TEX26: variants seen among roughly 807,000 people sequenced by gnomAD.
TEX26 encodes testis-expressed protein 26.
A neutral mutation model predicts 35.3 loss-of-function variants in TEX26; 34 were observed. The ratio of observed to expected loss-of-function variants is 0.96; its 90% CI spans 0.73 to 1.28. TEX26 has a LOEUF of 1.28. TEX26 is among the 50% of genes most tolerant of loss of function. TEX26 has a pLI of 0.00. For missense variants in TEX26, 371 were observed against 330.1 expected (o/e 1.12, Z -0.96); for synonymous variants, 136 against 111.8 (o/e 1.22, Z -1.36).
At chr13:30,948,659 G>A (rs989476898) in intron 2 of TEX26, among the ~76,000 whole-genome samples, 1 of 152,050 alleles carries the variant, frequency 6.6e-6, no homozygotes, top group Non-Finnish European at 1.5e-5. Context: ...CAGATGAGTA[G>A]GTTGCTAAAA....
At chr13:30,966,430 CTCTTT>C (rs1954534321) in intron 5 of TEX26, 32 bp downstream of exon 5, 11 of 1,111,018 alleles carry the variant, frequency 9.9e-6, no homozygotes, top group East Asian at 3.0e-5. Flanking sequence ...TTTTCTTTTT[CTCTTT>C]TTTTTTTTTT....
Position 30,968,901 on chromosome 13 carries a change from C to T in TEX26, c.663C>T (p.His221=). ...ASQGLVPSVL[H]SYLRNQEHTK... ...TTTCTATAGTGCCTTCTGTGCTGCA[C>T]AGCTACCTGAGGAACCAAGAGCACA... is the stretch of plus-strand genomic sequence containing the variant. The change falls in exon 6 of 7, where the codon CAC becomes CAT. Residue 221 remains histidine (H), a synonymous_variant. Transcript: ENST00000380473. 6.2e-7 allele frequency: 1 copy of T among 1,613,860 alleles called. No individual in the cohort carries two copies. The highest frequency in any genetic ancestry group is 1.1e-5 in the South Asian group (1 of 90,988).
intron 2 of TEX26, among the ~76,000 whole-genome samples, chr13:30,945,325 G>T (rs1953666155): frequency 6.6e-6 from 1 of 151,330 alleles, no homozygotes; most frequent in African/African-American, 2.4e-5. Context: ...TTTTCCTTGG[G>T]TTTATATGAA....
At chr13:30,967,696 T>C (rs1017945562) in intron 5 of TEX26, among the ~76,000 whole-genome samples, 3 of 152,176 alleles carry the variant, frequency 2.0e-5, no homozygotes, top group African/African-American at 7.2e-5. Context: ...GTTCTTAAGG[T>C]TTAAAAGGAT....
At chr13:30,965,278 C>A (rs1292541669) in intron 4 of TEX26, among the ~76,000 whole-genome samples, 1 of 152,148 alleles carries the variant, frequency 6.6e-6, no homozygotes, top group African/African-American at 2.4e-5. Context: ...CCAGTAGATG[C>A]AATTATGTAT....
chr13:30,963,703 A>G (rs992846564), intron 4 of TEX26, among the ~76,000 whole-genome samples: 5 of 152,242 alleles, frequency 3.3e-5, no homozygotes, highest in South Asian at 2.1e-4. Context: ...CTGAGGATCA[A>G]TGAAGAGTGA....
At chr13:30,964,004 T>C (rs1321720562) in intron 4 of TEX26, among the ~76,000 whole-genome samples, 1 of 152,170 alleles carries the variant, frequency 6.6e-6, no homozygotes, top group East Asian at 1.9e-4. Flanking sequence ...CTGCCCTGCA[T>C]GCCCCACCCT....
At position 30,949,796 on chromosome 13, in the gene TEX26, C is replaced by T. The variant is rs531855300; in HGVS notation, c.147-2864C>T. 2.6e-5 allele frequency among the ~76,000 whole-genome samples: 4 copies of T among 152,054 alleles called. No homozygotes were observed. In the East Asian group the frequency reaches 5.8e-4, roughly 22 times the overall value. ...CTTTCCTTTTGGGAATGATTAAATACCAATCACGTATAAAAACAGAAACAA... is the reference window on the plus strand; with the variant it reads ...CTTTCCTTTTGGGAATGATTAAATATCAATCACGTATAAAAACAGAAACAA... On this transcript the variant is annotated intron_variant, in intron 2 of 6. Transcript: ENST00000380473.
Position 30,956,919 on chromosome 13 carries a change from TA to T in TEX26, c.362del (p.Lys121ArgfsTer12), listed in dbSNP as rs1359831751. ...CCTCACTGTCAACAAACGGGGACAC[TA>T]AAGAACTGCCTCCCTTGGAAAATCC... ...TLPHCQQTGT[L>X]KNCLPWKIPA... On this transcript the variant is annotated frameshift_variant, in exon 4 of 7. Coordinates refer to ENST00000380473, the MANE Select transcript of TEX26 (RefSeq NM_152325.3). LOFTEE classifies it high-confidence loss of function. 6.2e-7 allele frequency: 1 copy of T among 1,614,154 alleles called. No homozygotes were observed. Among genetic ancestry groups the T allele is most frequent in the Admixed American group, 1.7e-5 (1 of 60,028 alleles).
rs189665902 is a variant in TEX26 at position 30,969,104 on chromosome 13, T to C, written c.808+58T>C. 1.5e-4 allele frequency: 220 copies of C among 1,452,070 alleles called. 2 individuals carry two copies. The East Asian group carries it at 4.7e-3, about 31-fold the overall frequency. 89.9% of individuals were successfully genotyped at this position (1,452,070 alleles called of 1,614,324 possible). A position where few individuals can be genotyped will look rare whatever the true frequency, so the allele number is the denominator to read the frequency against. On this transcript the variant is annotated intron_variant, in intron 6 of 6. Coordinates refer to ENST00000380473, the MANE Select transcript of TEX26 (RefSeq NM_152325.3). ...ATCACAATACATTGCTTTTGCCAAA[T>C]AGAAACTGTTCCAAGTTCTAGCCAC...
intron 2 of TEX26, among the ~76,000 whole-genome samples, chr13:30,945,226 T>C (rs1953659941): frequency 6.6e-6 from 1 of 152,032 alleles, no homozygotes; most frequent in Non-Finnish European, 1.5e-5. Flanking sequence ...TTTACTGTTG[T>C]TGCTTTAAAG....
intron 3 of TEX26, among the ~76,000 whole-genome samples, chr13:30,956,473 G>T (rs558274090): frequency 3.9e-5 from 6 of 152,252 alleles, no homozygotes; most frequent in African/African-American, 1.4e-4. Flanking sequence ...TCAGCAAGTT[G>T]CTGAGGCCTC....
Position 30,940,322 on chromosome 13 carries a change from C to CTTTTTTTTTTTTTTTTTTT in TEX26, c.146+555_146+573dup. Among the ~76,000 whole-genome samples, 2 of 52,044 alleles carry CTTTTTTTTTTTTTTTTTTT rather than the reference C, an allele frequency of 3.8e-5. 1 individual carries two copies. The highest frequency in any genetic ancestry group is 0.048 in the Middle Eastern group (2 of 42). 34.1% of individuals were successfully genotyped at this position (52,044 alleles called of 152,430 possible). On this transcript the variant is annotated intron_variant, in intron 2 of 6. Coordinates refer to ENST00000380473, the MANE Select transcript of TEX26 (RefSeq NM_152325.3). ...GTGGGAGTTTCTAAACATCAGCTGC[C>CTTTTTTTTTTTTTTTTTTT]TTTTTTTTTTTTTTTTTTTTTTTTT...
chr13:30,966,887 AGCTC>A, intron 5 of TEX26, among the ~76,000 whole-genome samples: 1 of 152,334 alleles, frequency 6.6e-6, no homozygotes, highest in Middle Eastern at 3.4e-3. Context: ...TTGTCGCTGC[AGCTC>A]CCAACCTGTA....
At chr13:30,938,724 C>A (rs1953365598) in intron 1 of TEX26, among the ~76,000 whole-genome samples, 1 of 152,232 alleles carries the variant, frequency 6.6e-6, no homozygotes, top group Non-Finnish European at 1.5e-5. Flanking sequence ...CTCCTGGAAT[C>A]ATCAGCAGTG....
chr13:30,961,932 A>G (rs1442828974), intron 4 of TEX26, among the ~76,000 whole-genome samples: 1 of 152,130 alleles, frequency 6.6e-6, no homozygotes, highest in South Asian at 2.1e-4. Context: ...CCTTTAAAGA[A>G]CAACTATCCT....
chr13:30,952,947 C>T (rs569558128), intron 3 of TEX26, 122 bp downstream of exon 3: 12 of 809,632 alleles, frequency 1.5e-5, no homozygotes, highest in Non-Finnish European at 2.3e-5. Context: ...ATACATGGTT[C>T]TTTTTAGACT....
In TEX26 at chr13:30,936,569, C is replaced by A. The variant is rs114832187; in HGVS notation, c.62-3125C>A. 4.5e-3 allele frequency among the ~76,000 whole-genome samples: 687 copies of A among 152,312 alleles called. 7 individuals are homozygous for A. Among genetic ancestry groups the A allele is most frequent in the African/African-American group, 0.016 (666 of 41,570 alleles). ...TCATCCAAGCAAAAAGAATTGCACCCTCTTCATGTTCCCTGTGACACATAG... is the reference window on the plus strand; with the variant it reads ...TCATCCAAGCAAAAAGAATTGCACCATCTTCATGTTCCCTGTGACACATAG... On this transcript the variant is annotated intron_variant, in intron 1 of 6. Transcript: ENST00000380473.
chr13:30,967,388 G>T (rs992329959), intron 5 of TEX26, among the ~76,000 whole-genome samples: 9 of 152,280 alleles, frequency 5.9e-5, no homozygotes, highest in African/African-American at 1.9e-4. Flanking sequence ...CCACTTCAGG[G>T]TAGCCCCATC....
Sources: gnomAD v4.1 joint callset for allele counts (sites outside exome capture counted in the v4.1 genomes callset) on GRCh38, gnomAD v4.1.1 for gene constraint, MANE v1.5 for transcripts, NCBI Gene and HGNC (gene_info 2026-07-23, HGNC 2026-07-21) for gene names.